DIP2B: variants seen among roughly 807,000 people sequenced by gnomAD.
DIP2B encodes the protein disco-interacting protein 2 homolog B.
A neutral mutation model predicts 198.0 loss-of-function variants in DIP2B; 76 were observed. That is an observed-to-expected ratio of 0.38 (90% CI 0.32 to 0.46). The LOEUF is 0.46. Ranked by LOEUF, DIP2B falls within the 20% of genes least tolerant of loss-of-function variation. The pLI is 0.99. For missense variants in DIP2B, 1,559 were observed against 1,978.4 expected (o/e 0.79, Z 4.02); for synonymous variants, 701 against 739.1 (o/e 0.95, Z 0.84).
chr12:50,572,770 G>C (rs1169831721), intron 1 of DIP2B, among the ~76,000 whole-genome samples: 1 of 152,158 alleles, frequency 6.6e-6, no homozygotes, highest in East Asian at 1.9e-4. Flanking sequence ...ACAGAATTTA[G>C]AATAACAGAA....
intron 1 of DIP2B, among the ~76,000 whole-genome samples, chr12:50,595,406 A>G (rs978278867): frequency 7.9e-5 from 12 of 152,140 alleles, no homozygotes; most frequent in African/African-American, 2.7e-4. Flanking sequence ...TGCAGCCTCA[A>G]CTTGCCTCCC....
intron 1 of DIP2B, among the ~76,000 whole-genome samples, chr12:50,512,986 G>A (rs1366832414): frequency 3.3e-5 from 5 of 152,128 alleles, no homozygotes; most frequent in African/African-American, 4.8e-5. Context: ...CAGCCTGGGC[G>A]ACAGAGCGAG....
intron 4 of DIP2B, among the ~76,000 whole-genome samples, chr12:50,670,364 C>T (rs530955542): frequency 1.3e-4 from 20 of 152,188 alleles, no homozygotes; most frequent in East Asian, 5.8e-4. Context: ...GGATTGTTTA[C>T]GCCACTTCAT....
chr12:50,511,718 G>A (rs1958018703), intron 1 of DIP2B, among the ~76,000 whole-genome samples: 1 of 151,820 alleles, frequency 6.6e-6, no homozygotes, highest in Non-Finnish European at 1.5e-5. Flanking sequence ...GGGAGGCCGA[G>A]GAGGGCGGAT....
At chr12:50,633,728 T>A (rs1164617401) in intron 2 of DIP2B, among the ~76,000 whole-genome samples, 3 of 152,200 alleles carry the variant, frequency 2.0e-5, no homozygotes, top group African/African-American at 7.2e-5. Context: ...ATTGTGCCAC[T>A]GCATGCCAGC....
intron 30 of DIP2B, 74 bp from the exon 31 acceptor site, chr12:50,731,295 G>T: frequency 6.5e-7 from 1 of 1,537,558 alleles, no homozygotes; most frequent in Non-Finnish European, 8.8e-7. Context: ...AATATCTGTG[G>T]AATTGGTGGG....
intron 19 of DIP2B, among the ~76,000 whole-genome samples, chr12:50,703,255 T>C (rs777914561): frequency 9.9e-5 from 15 of 151,332 alleles, no homozygotes; most frequent in Non-Finnish European, 1.9e-4. Flanking sequence ...TTTTTTTTAA[T>C]AAATTAACAA....
At chr12:50,631,227 C>A (rs1271666495) in intron 2 of DIP2B, among the ~76,000 whole-genome samples, 1 of 143,518 alleles carries the variant, frequency 7.0e-6, no homozygotes, top group Admixed American at 7.2e-5. Flanking sequence ...CTCCTGGGTT[C>A]AAGCGATTTT....
chr12:50,630,674 T>TC (rs1311286718), intron 2 of DIP2B, among the ~76,000 whole-genome samples: 1 of 140,414 alleles, frequency 7.1e-6, no homozygotes, highest in African/African-American at 2.7e-5. Flanking sequence ...TTTTTTTTTT[T>TC]TTTTTTTTTT....
Position 50,732,524 on chromosome 12 carries a change from A to C in DIP2B, c.3969A>C (p.Ala1323=), listed in dbSNP as rs1328363429. 2.5e-6 allele frequency: 4 copies of C among 1,614,172 alleles called. No homozygotes were observed. Among genetic ancestry groups the C allele is most frequent in the Non-Finnish European group, 3.4e-6 (4 of 1,180,036 alleles). The part of the protein sequence containing the change: ...STTFGSRVNV[A]ICLQGTSGPD... ...CTTTTGGATCAAGAGTCAATGTAGC[A>C]ATATGTTTACAGGTGACCCTCATGA... is the stretch of plus-strand genomic sequence containing the variant. Residue 1323 remains alanine, a synonymous_variant, in exon 32 of 38, where the codon GCA becomes GCC. Transcript: ENST00000301180.
intron 1 of DIP2B, among the ~76,000 whole-genome samples, chr12:50,576,805 T>A (rs887796006): frequency 5.3e-5 from 8 of 152,142 alleles, no homozygotes; most frequent in African/African-American, 1.9e-4. Context: ...CAGAAAAAGT[T>A]AGGCTGCATC....
chr12:50,723,138 T>A lies in DIP2B; in HGVS notation c.3167-64T>A, dbSNP rs1939871797. On this transcript the variant is annotated intron_variant, in intron 26 of 37. Coordinates refer to ENST00000301180, the MANE Select transcript of DIP2B (RefSeq NM_173602.3). ...ATTTAATTGTTTTGGAAAATTTGCC[T>A]TTTAGTTTCTCAGTGCTCTTAGGCA... 8 of 1,586,990 alleles carry A rather than the reference T, an allele frequency of 5.0e-6. No homozygotes were observed. In the Admixed American group the frequency reaches 1.4e-4, roughly 28 times the overall value.
At position 50,734,210 on chromosome 12, in the gene DIP2B, A is replaced by G. The variant is rs1490234909; in HGVS notation, c.4043+14A>G. The G allele has an allele frequency of 6.2e-7, 1 of 1,613,764 alleles. No individual in the cohort carries two copies. Among genetic ancestry groups the G allele is most frequent in the Non-Finnish European group, 8.5e-7 (1 of 1,179,870 alleles). On this transcript the variant is annotated intron_variant, in intron 33 of 37. Coordinates refer to ENST00000301180, the MANE Select transcript of DIP2B (RefSeq NM_173602.3). ...AAGACATGACAGGTACAACAGATTTATTAATGCTCCTTTCCTACTAGTTCC... is the reference window on the plus strand; with the variant it reads ...AAGACATGACAGGTACAACAGATTTGTTAATGCTCCTTTCCTACTAGTTCC...
intron 1 of DIP2B, among the ~76,000 whole-genome samples, chr12:50,589,845 T>G (rs947069400): frequency 6.6e-6 from 1 of 152,138 alleles, no homozygotes; most frequent in African/African-American, 2.4e-5. Context: ...AGAGAAGACA[T>G]TTGAATATTC....
Position 50,586,189 on chromosome 12 carries a change from T to C in DIP2B, c.101-39787T>C, listed in dbSNP as rs145316341. Among the ~76,000 whole-genome samples, 66 of 152,294 alleles carry C rather than the reference T, an allele frequency of 4.3e-4. 1 individual carries two copies. The highest frequency in any genetic ancestry group is 1.5e-3 in the African/African-American group (62 of 41,556). ...TGGACAACAATATAGCTATTCCTGG[T>C]TTTACCAAAATGGTAAAAAAAATTA... On this transcript the variant is annotated intron_variant, in intron 1 of 37. Coordinates refer to ENST00000301180, the MANE Select transcript of DIP2B (RefSeq NM_173602.3).
chr12:50,530,333 G>A (rs1236836535), intron 1 of DIP2B, among the ~76,000 whole-genome samples: 1 of 152,192 alleles, frequency 6.6e-6, no homozygotes, highest in Non-Finnish European at 1.5e-5. Flanking sequence ...GCCCGCCTCA[G>A]CCTCCCAAAG....
intron 19 of DIP2B, among the ~76,000 whole-genome samples, chr12:50,699,406 T>C (rs1261790866): frequency 6.6e-6 from 1 of 152,172 alleles, no homozygotes; most frequent in South Asian, 2.1e-4. Flanking sequence ...CCCAATTTCC[T>C]TATCTTTAAA....
rs1024308583 is a variant in DIP2B, at chr12:50,745,274, A to C, written c.*435A>C. ...TAGATGTTCTGTGGGGTTTGTTAAC[A>C]TGGAACTACTCAGCTTTCTTTCAGT... On this transcript the variant is annotated 3_prime_UTR_variant, in exon 38 of 38. Transcript: ENST00000301180. 4 of 178,834 alleles carry C rather than the reference A, an allele frequency of 2.2e-5. No homozygotes were observed. Among genetic ancestry groups the C allele is most frequent in the Admixed American group, 2.2e-4 (4 of 18,418 alleles). The allele number at this position is 178,834 out of a possible 1,614,324, so 11.1% of individuals were successfully genotyped here. A position where few individuals can be genotyped will look rare whatever the true frequency, so the allele number is the denominator to read the frequency against.
At position 50,724,869 on chromosome 12, in the gene DIP2B, C is replaced by G; in HGVS notation, c.3383C>G (p.Pro1128Arg). ...GCAGCTGTGGATGTGAAAACCTGGC[C>G]AACCATCATTGACACAGGTGAAAGG... ...AAAAVDVKTW[P>R]TIIDTDDLPR... The change falls in exon 28 of 38, where the codon CCA (proline) becomes CGA (arginine). Residue 1128 changes from proline (P) to arginine (R), a missense_variant. By Grantham distance (103) the Pro-to-Arg change is moderately radical. Transcript: ENST00000301180. 1 of 1,614,130 alleles carries G rather than the reference C, an allele frequency of 6.2e-7. No individual in the cohort carries two copies. The highest frequency in any genetic ancestry group is 1.1e-5 in the South Asian group (1 of 91,074).
Sources: allele counts gnomAD v4.1 joint callset (sites outside exome capture counted in the v4.1 genomes callset), GRCh38; gene constraint gnomAD v4.1.1; transcripts MANE v1.5; gene names NCBI Gene and HGNC (gene_info 2026-07-23, HGNC 2026-07-21).